Variants in IL12RB2 observed in about 807,000 individuals in gnomAD.
IL12RB2 encodes interleukin-12 receptor subunit beta-2.
A neutral mutation model predicts 89.4 loss-of-function variants in IL12RB2; 82 were observed. The observed-to-expected ratio is 0.92, with a 90% CI of 0.77 to 1.10. The LOEUF is 1.10. Ranked by LOEUF, IL12RB2 falls within the 50% of genes least tolerant of loss-of-function variation. The pLI, the probability that IL12RB2 is intolerant of heterozygous loss-of-function variation, is 0.00. For synonymous variants in IL12RB2, 368 were observed against 370.1 expected (o/e 0.99, Z 0.07); for missense variants, 963 against 1,031.9 (o/e 0.93, Z 0.92).
rs199766938 is a variant in IL12RB2 at position 67,308,419 on chromosome 1, T to TG, written c.-125+460dup. Among the ~76,000 whole-genome samples, 248 of 151,700 alleles carry TG rather than the reference T, an allele frequency of 1.6e-3. 1 individual carries two copies. The highest frequency in any genetic ancestry group is 3.4e-3 in the Middle Eastern group (1 of 294). ...AATGTATCAAATGTGAGTAAGATATTGGGGGGGGCCTTCCGTAGTCCCGGA... is the reference window on the plus strand; with the variant it reads ...AATGTATCAAATGTGAGTAAGATATTGGGGGGGGGCCTTCCGTAGTCCCGGA... On this transcript the variant is annotated intron_variant, in intron 1 of 16. Coordinates refer to ENST00000674203, the MANE Select transcript of IL12RB2 (RefSeq NM_001374259.2).
intron 16 of IL12RB2, among the ~76,000 whole-genome samples, chr1:67,391,743 T>C (rs1354663956): frequency 6.6e-6 from 1 of 151,858 alleles, no homozygotes; most frequent in Non-Finnish European, 1.5e-5. Context: ...TTCACGCCGT[T>C]CTCCTGCCTC....
chr1:67,384,339 G>C (rs559094327), intron 14 of IL12RB2, among the ~76,000 whole-genome samples: 1 of 152,376 alleles, frequency 6.6e-6, no homozygotes, highest in African/African-American at 2.4e-5. Flanking sequence ...GCAACGGCCT[G>C]AGCTGTATGT....
At position 67,351,010 on chromosome 1, in the gene IL12RB2, G is replaced by T. The variant is rs1400686135; in HGVS notation, c.1179G>T (p.Trp393Cys). 4.3e-6 allele frequency: 7 copies of T among 1,614,064 alleles called. No homozygotes were observed. The highest frequency in any genetic ancestry group is 5.1e-6 in the Non-Finnish European group (6 of 1,180,004). ...WTTVIPRTGN[W>C]AVAVSAANSK... is the part of the protein sequence containing the mutation. ...CAGTCATTCCTAGAACCGGAAATTG[G>T]GCTGTGGCTGTGTCTGCAGCAAATT... The change falls in exon 10 of 17, where the codon TGG becomes TGT. Residue 393 changes from tryptophan to cysteine, a missense_variant. Physicochemically the swap from Trp to Cys is radical, Grantham distance 215. Coordinates refer to ENST00000674203, the MANE Select transcript of IL12RB2 (RefSeq NM_001374259.2).
intron 10 of IL12RB2, among the ~76,000 whole-genome samples, chr1:67,365,200 A>C (rs148407574): frequency 7.6e-4 from 116 of 152,320 alleles, no homozygotes; most frequent in Admixed American, 1.2e-3. Context: ...AAAAGAAGAG[A>C]GGTCTAAAAT....
chr1:67,391,879 G>A (rs1446541768), intron 16 of IL12RB2, among the ~76,000 whole-genome samples: 1 of 151,986 alleles, frequency 6.6e-6, no homozygotes, highest in African/African-American at 2.4e-5. Context: ...TCCTGACCTC[G>A]TGATCCACCC....
rs991847330 is a variant in IL12RB2 at position 67,377,118 on chromosome 1, A to G, written c.1718-2868A>G. 2.0e-5 allele frequency among the ~76,000 whole-genome samples: 3 copies of G among 152,232 alleles called. No homozygotes were observed. The South Asian group carries it at 6.2e-4, about 32-fold the overall frequency. On this transcript the variant is annotated intron_variant, in intron 13 of 16. Coordinates refer to ENST00000674203, the MANE Select transcript of IL12RB2 (RefSeq NM_001374259.2). ...TTGGGTGGAGTAGAGGTAATATTAT[A>G]GGACTTCATCTTGCTGATTACCCAT...
intron 4 of IL12RB2, 69 bp from the exon 5 acceptor site, chr1:67,326,666 G>A: frequency 6.3e-7 from 1 of 1,579,246 alleles, no homozygotes; most frequent in Non-Finnish European, 8.6e-7. Flanking sequence ...CATGTTGATG[G>A]CAGATAATAA....
intron 13 of IL12RB2, 108 bp from the exon 14 acceptor site, chr1:67,379,878 T>G (rs985067160): frequency 4.2e-5 from 39 of 928,528 alleles, no homozygotes; most frequent in Admixed American, 1.4e-4. Context: ...AGCAAAATGC[T>G]TTTTCCTTCC....
At chr1:67,352,650 A>T (rs1660973455) in intron 10 of IL12RB2, among the ~76,000 whole-genome samples, 1 of 152,240 alleles carries the variant, frequency 6.6e-6, no homozygotes, top group African/African-American at 2.4e-5. Flanking sequence ...TTTGTAGGCA[A>T]CTGGTAATCT....
intron 2 of IL12RB2, among the ~76,000 whole-genome samples, chr1:67,317,312 G>A (rs1002057964): frequency 1.3e-5 from 2 of 152,136 alleles, no homozygotes; most frequent in African/African-American, 4.8e-5. Flanking sequence ...TGCAGATTTT[G>A]GCTTAAATCT....
At chr1:67,355,422 G>GAAAAAAA (rs1171395256) in intron 10 of IL12RB2, among the ~76,000 whole-genome samples, 1 of 93,710 alleles carries the variant, frequency 1.1e-5, no homozygotes. Context: ...GTCTCAAAAA[G>GAAAAAAA]AAAAAAAAAA....
intron 10 of IL12RB2, among the ~76,000 whole-genome samples, chr1:67,361,449 GA>G (rs759588039): frequency 2.6e-5 from 4 of 152,142 alleles, no homozygotes; most frequent in Non-Finnish European, 4.4e-5. Context: ...GGTAATCAGA[GA>G]AATTAGAATT....
At chr1:67,363,095 G>C (rs891821566) in intron 10 of IL12RB2, among the ~76,000 whole-genome samples, 1 of 151,390 alleles carries the variant, frequency 6.6e-6, no homozygotes, top group African/African-American at 2.4e-5. Context: ...TAGAGACGGG[G>C]TTTCACTATG....
chr1:67,393,912 C>T (rs1337960462), intron 16 of IL12RB2, among the ~76,000 whole-genome samples: 2 of 152,176 alleles, frequency 1.3e-5, no homozygotes, highest in Non-Finnish European at 2.9e-5. Context: ...GGTCCCTGTG[C>T]ACACATGGCT....
intron 13 of IL12RB2, 147 bp downstream of exon 13, chr1:67,372,930 C>G: frequency 1.4e-6 from 1 of 713,618 alleles, no homozygotes; most frequent in East Asian, 2.5e-5. Flanking sequence ...GTAAAGTTAA[C>G]TGAATGAAGA....
chr1:67,324,603 G>A (rs12082554), intron 4 of IL12RB2, among the ~76,000 whole-genome samples: 5,273 of 152,136 alleles, frequency 0.035, 330 homozygotes, highest in African/African-American at 0.12. Context: ...TGCCTGCCTC[G>A]GCCTCCCAAA....
intron 16 of IL12RB2, among the ~76,000 whole-genome samples, chr1:67,394,797 G>A (rs2100346592): frequency 6.6e-6 from 1 of 152,216 alleles, no homozygotes; most frequent in South Asian, 2.1e-4. Context: ...TCCCTACCTG[G>A]AAAACACCAC....
intron 9 of IL12RB2, among the ~76,000 whole-genome samples, chr1:67,349,030 G>A (rs977567356): frequency 5.9e-5 from 9 of 152,128 alleles, no homozygotes; most frequent in African/African-American, 1.9e-4. Flanking sequence ...TTTATGATCC[G>A]TCAGAGCCAC....
At chr1:67,350,801 G>GTTC in intron 9 of IL12RB2, 69 bp from the exon 10 acceptor site, 2 of 1,592,710 alleles carry the variant, frequency 1.3e-6, no homozygotes, top group South Asian at 2.3e-5. Context: ...CTGTACCCAT[G>GTTC]AGGTCCAGGC....
Sources: allele counts gnomAD v4.1 joint callset (sites outside exome capture counted in the v4.1 genomes callset), GRCh38; gene constraint gnomAD v4.1.1; transcripts MANE v1.5; gene names NCBI Gene and HGNC (gene_info 2026-07-23, HGNC 2026-07-21).